PRDM16: variants seen among roughly 807,000 people sequenced by gnomAD.
PRDM16 encodes the protein PR/SET domain 16, also known as histone-lysine N-methyltransferase PRDM16.
A neutral mutation model predicts 110.6 loss-of-function variants in PRDM16; 23 were observed. The observed-to-expected ratio is 0.21, with a 90% CI of 0.15 to 0.29. The LOEUF is 0.29. Among genes scored for constraint, PRDM16 ranks in the 10% least tolerant of loss-of-function variants. The probability of loss-of-function intolerance (pLI) is 1.00; values close to 1 mark genes in which losing one functional copy is unlikely to be tolerated. For synonymous variants in PRDM16, 799 were observed against 781.8 expected, an observed-to-expected ratio of 1.02 and a Z score of -0.37; for missense variants, 1,615 against 1,794.3, an observed-to-expected ratio of 0.90 and a Z score of 1.81.
chr1:3,158,745 TTTTCTTTC>T (rs199757147), intron 1 of PRDM16, among the ~76,000 whole-genome samples: 1 of 151,438 alleles, frequency 6.6e-6, no homozygotes, highest in Non-Finnish European at 1.5e-5. Flanking sequence ...TTCTTCCCTT[TTTTCTTTC>T]TTTCTTTCTT....
rs75594587 is a variant in PRDM16 at position 3,260,960 on chromosome 1, G to A, written c.438+16823G>A. On this transcript the variant is annotated intron_variant, in intron 3 of 16. Transcript: ENST00000270722. Reference sequence around the variant, plus strand: ...AGTTCTGGCTCCATCATCAACCAGCGTGACCTGGGACAAGTCACTTAACCT... The same window carrying A: ...AGTTCTGGCTCCATCATCAACCAGCATGACCTGGGACAAGTCACTTAACCT... Among the ~76,000 whole-genome samples the A allele has an allele frequency of 3.3e-3, 503 of 151,060 alleles. 3 individuals carry two copies. Among genetic ancestry groups the A allele is most frequent in the African/African-American group, 0.011 (461 of 41,126 alleles).
At chr1:3,192,044 C>T (rs1638325142) in intron 2 of PRDM16, among the ~76,000 whole-genome samples, 1 of 152,172 alleles carries the variant, frequency 6.6e-6, no homozygotes, top group Admixed American at 6.5e-5. Flanking sequence ...GGGAATCACC[C>T]AGGCCACCCT....
intron 1 of PRDM16, among the ~76,000 whole-genome samples, chr1:3,097,553 T>G (rs1642433380): frequency 6.7e-6 from 1 of 149,278 alleles, no homozygotes; most frequent in South Asian, 2.2e-4. Flanking sequence ...AACTTAAAAA[T>G]GAATTCTTCT....
intron 3 of PRDM16, among the ~76,000 whole-genome samples, chr1:3,336,314 T>G (rs982317745): frequency 4.0e-5 from 6 of 151,740 alleles, no homozygotes; most frequent in African/African-American, 1.5e-4. Flanking sequence ...CTGTGGCTGT[T>G]TGTGTACATG....
chr1:3,240,010 G>A (rs1418801496), intron 2 of PRDM16, among the ~76,000 whole-genome samples: 2 of 141,436 alleles, frequency 1.4e-5, no homozygotes, highest in Non-Finnish European at 3.0e-5. Flanking sequence ...AGGAAGGAAA[G>A]ATGGAGAGAG....
chr1:3,388,456 C>T (rs544824076), intron 4 of PRDM16, among the ~76,000 whole-genome samples: 2 of 152,302 alleles, frequency 1.3e-5, no homozygotes, highest in African/African-American at 4.8e-5. Flanking sequence ...ATACTTCGGT[C>T]AGAAAAGCAT....
At chr1:3,322,225 A>G (rs917086111) in intron 3 of PRDM16, among the ~76,000 whole-genome samples, 1 of 151,568 alleles carries the variant, frequency 6.6e-6, no homozygotes, top group African/African-American at 2.4e-5. Context: ...GAGCATGTGC[A>G]CGTGTGTGTG....
intron 1 of PRDM16, among the ~76,000 whole-genome samples, chr1:3,091,604 G>C (rs1401416487): frequency 1.3e-5 from 2 of 152,208 alleles, no homozygotes; most frequent in African/African-American, 2.4e-5. Flanking sequence ...TTGCTGCGGA[G>C]GGCACCTCTG....
intron 3 of PRDM16, among the ~76,000 whole-genome samples, chr1:3,297,071 G>C (rs771037507): frequency 6.6e-6 from 1 of 152,150 alleles, no homozygotes; most frequent in Non-Finnish European, 1.5e-5. Context: ...CTCAGTGTGC[G>C]GTTTCCACTG....
At chr1:3,085,796 G>T (rs1642136267) in intron 1 of PRDM16, among the ~76,000 whole-genome samples, 1 of 152,216 alleles carries the variant, frequency 6.6e-6, no homozygotes, top group South Asian at 2.1e-4. Context: ...GCAGCAGGTG[G>T]CCCTCAGCCA....
rs748084427 is a variant in PRDM16 at position 3,418,005 on chromosome 1, G to A, written c.2861+8G>A. 2.5e-6 allele frequency: 4 copies of A among 1,607,716 alleles called. No individual in the cohort carries two copies. In the East Asian group the frequency reaches 8.9e-5, roughly 36 times the overall value. On this transcript the variant is annotated splice_region_variant and intron_variant, in intron 11 of 16. Transcript: ENST00000270722. Reference sequence around the variant, plus strand: ...GGAGCGATACACGTGCAGGTGAGGGGCCCTTTGGTGCTGCTGGGACAGCCC... The same window carrying A: ...GGAGCGATACACGTGCAGGTGAGGGACCCTTTGGTGCTGCTGGGACAGCCC...
At position 3,359,911 on chromosome 1, in the gene PRDM16, G is replaced by A. The variant is rs1310188216; in HGVS notation, c.439-25241G>A. Among the ~76,000 whole-genome samples, 1 of 152,214 alleles carries A rather than the reference G, an allele frequency of 6.6e-6. No homozygotes were observed. Among genetic ancestry groups the A allele is most frequent in the African/African-American group, 2.4e-5 (1 of 41,462 alleles). Reference sequence around the variant, plus strand: ...CTTGGAAGACGGATGCCGTGTGCACGCAAAGACGGCAGCCAGCTCCTCACA... The same window carrying A: ...CTTGGAAGACGGATGCCGTGTGCACACAAAGACGGCAGCCAGCTCCTCACA... On this transcript the variant is annotated intron_variant, in intron 3 of 16. Transcript: ENST00000270722. This position sits in a 1 kb window ranked among gnomAD's most constrained non-coding sequence, Gnocchi z 4.3.
At chr1:3,418,859 A>G in intron 12 of PRDM16, 115 bp downstream of exon 12, 1 of 797,506 alleles carries the variant, frequency 1.3e-6, no homozygotes, top group African/African-American at 1.7e-5. Flanking sequence ...GTGAGCAGGC[A>G]GTGGGCAGGG....
intron 1 of PRDM16, among the ~76,000 whole-genome samples, chr1:3,104,940 C>A (rs1372854397): frequency 6.6e-6 from 1 of 152,146 alleles, no homozygotes; most frequent in Non-Finnish European, 1.5e-5. Context: ...AAGGACAGGG[C>A]TCTTGCAGGG....
intron 3 of PRDM16, among the ~76,000 whole-genome samples, chr1:3,352,844 C>T (rs1342426325): frequency 3.9e-5 from 6 of 152,186 alleles, no homozygotes; most frequent in Non-Finnish European, 7.3e-5. Flanking sequence ...GGCCTCTGCC[C>T]GGTGTCAGGA....
chr1:3,180,003 G>A (rs1168089115), intron 1 of PRDM16, among the ~76,000 whole-genome samples: 2 of 151,962 alleles, frequency 1.3e-5, no homozygotes, highest in East Asian at 1.9e-4. Context: ...GCGCAGAATC[G>A]TTATCCCTGG....
chr1:3,404,621 C>T, intron 6 of PRDM16, 118 bp from the exon 7 acceptor site: 1 of 1,270,022 alleles, frequency 7.9e-7, no homozygotes, highest in Non-Finnish European at 1.1e-6. Context: ...TGCTCTGATC[C>T]CTCGGCAGCG....
chr1:3,120,162 A>G (rs1415807531), intron 1 of PRDM16, among the ~76,000 whole-genome samples: 1 of 152,208 alleles, frequency 6.6e-6, no homozygotes. Flanking sequence ...CGGCAGAGTT[A>G]TCAGTTCGCA....
chr1:3,388,162 A>G (rs762167055), intron 4 of PRDM16, among the ~76,000 whole-genome samples: 4 of 152,222 alleles, frequency 2.6e-5, no homozygotes, highest in Non-Finnish European at 4.4e-5. Flanking sequence ...TACTAATGCC[A>G]TTTCTCAGAT....
Sources: gnomAD v4.1 joint callset for allele counts (sites outside exome capture counted in the v4.1 genomes callset) on GRCh38, gnomAD v4.1.1 for gene constraint, Gnocchi (gnomAD v3.1) non-coding constraint, MANE v1.5 for transcripts, NCBI Gene and HGNC (gene_info 2026-07-23, HGNC 2026-07-21) for gene names.